SKI: variants seen among roughly 807,000 people sequenced by gnomAD.
SKI encodes ski oncogene.
A neutral mutation model predicts 59.3 loss-of-function variants in SKI; 23 were observed. That is an observed-to-expected ratio of 0.39 (90% CI 0.28 to 0.55). SKI has a LOEUF of 0.55. Among genes scored for constraint, SKI ranks in the 20% least tolerant of loss-of-function variants. The pLI, the probability that SKI is intolerant of heterozygous loss-of-function variation, is 0.67. For missense variants in SKI, 1,017 were observed against 1,038.9 expected (o/e 0.98, Z 0.29); for synonymous variants, 673 against 488.6 (o/e 1.38, Z -4.98).
chr1:2,275,090 T>C (rs998549068), intron 1 of SKI, among the ~76,000 whole-genome samples: 2 of 152,140 alleles, frequency 1.3e-5, no homozygotes, highest in Non-Finnish European at 2.9e-5. Flanking sequence ...CTGAACAAGC[T>C]CGCCCTGGAA....
rs397514590 is a variant in SKI, at chr1:2,228,869, C to T, written c.103C>T (p.Pro35Ser). 1 of 1,431,216 alleles carries T rather than the reference C, an allele frequency of 7.0e-7. No homozygotes were observed. The highest frequency in any genetic ancestry group is 9.2e-7 in the Non-Finnish European group (1 of 1,088,928). 88.7% of individuals were successfully genotyped at this position (1,431,216 alleles called of 1,614,324 possible). A position where few individuals can be genotyped will look rare whatever the true frequency, so the allele number is the denominator to read the frequency against. The change falls in exon 1 of 7, where the codon CCG becomes TCG. Residue 35 changes from proline (P) to serine (S), a missense_variant. Pro to Ser is a moderately conservative substitution (Grantham distance 74). Transcript: ENST00000378536. Reference protein sequence around the residue: ...HLSSMSSLGGPAAFSARWAQE... With the variant: ...HLSSMSSLGGSAAFSARWAQE... ...GAGCTCCATGAGCTCGCTGGGCGGC[C>T]CGGCCGCTTTCTCGGCGCGCTGGGC...
In SKI at chr1:2,303,551, A is replaced by G. The variant is rs2100917609; in HGVS notation, c.1211+151A>G. The G allele has an allele frequency of 1.3e-6, 1 of 744,380 alleles. No homozygotes were observed. Among genetic ancestry groups the G allele is most frequent in the African/African-American group, 1.8e-5 (1 of 56,688 alleles). 46.1% of individuals were successfully genotyped at this position (744,380 alleles called of 1,614,324 possible). ...CTCGGTGTTGGTTCCTTTGGCTGGCATCAGGGAGAGCACACCTAGAGCGTT... is the reference window on the plus strand; with the variant it reads ...CTCGGTGTTGGTTCCTTTGGCTGGCGTCAGGGAGAGCACACCTAGAGCGTT... On this transcript the variant is annotated intron_variant, in intron 3 of 6. Transcript: ENST00000378536. This position sits in a 1 kb window ranked among gnomAD's most constrained non-coding sequence, Gnocchi z 5.6.
chr1:2,278,997 CAGTA>C (rs1257078996), intron 1 of SKI, among the ~76,000 whole-genome samples: 3 of 152,196 alleles, frequency 2.0e-5, no homozygotes, highest in Non-Finnish European at 4.4e-5. Context: ...CCTCCCCAGA[CAGTA>C]AGCTCCAGAC....
intron 1 of SKI, among the ~76,000 whole-genome samples, chr1:2,236,034 A>T (rs905312574): frequency 6.6e-6 from 1 of 152,134 alleles, no homozygotes; most frequent in African/African-American, 2.4e-5. Flanking sequence ...GTCTTCTCTG[A>T]TTTTACCTTT....
intron 1 of SKI, among the ~76,000 whole-genome samples, chr1:2,235,947 G>GAT (rs1157679505): frequency 6.6e-6 from 1 of 152,208 alleles, no homozygotes; most frequent in Admixed American, 6.5e-5. Flanking sequence ...GGGGGAAACA[G>GAT]ATAAAGGGGG....
chr1:2,229,647 A>G lies in SKI; in HGVS notation c.881A>G (p.Lys294Arg). The change falls in exon 1 of 7, where the codon AAG becomes AGG. Residue 294 changes from lysine to arginine, a missense_variant. Coordinates refer to ENST00000378536, the MANE Select transcript of SKI (RefSeq NM_003036.4). The surrounding 1 kb of genome is among the most constrained non-coding windows in gnomAD (Gnocchi z 6.3). ...YILLSQDYTG[K>R]EEQARLGRCL... is the part of the protein sequence containing the mutation. The stretch of plus-strand genomic sequence containing the variant: ...CTGCTGAGCCAGGATTACACGGGCA[A>G]GGAGGAGCAGGCGCGCCTCGGCCGC... 2 of 1,612,118 alleles carry G rather than the reference A, an allele frequency of 1.2e-6. No homozygotes were observed. The highest frequency in any genetic ancestry group is 1.7e-6 in the Non-Finnish European group (2 of 1,179,686).
chr1:2,290,876 G>A (rs1031121487), intron 1 of SKI, among the ~76,000 whole-genome samples: 1 of 152,196 alleles, frequency 6.6e-6, no homozygotes, highest in African/African-American at 2.4e-5. Context: ...CAAGAACCGC[G>A]ACCGCAGCAT....
At chr1:2,299,261 G>C (rs904465339) in intron 1 of SKI, among the ~76,000 whole-genome samples, 1 of 152,200 alleles carries the variant, frequency 6.6e-6, no homozygotes, top group African/African-American at 2.4e-5. Context: ...GGAGGGGGGG[G>C]GCCACACGGG....
At chr1:2,276,519 T>C (rs936837612) in intron 1 of SKI, among the ~76,000 whole-genome samples, 1 of 152,230 alleles carries the variant, frequency 6.6e-6, no homozygotes, top group African/African-American at 2.4e-5. Context: ...TCTGTGCCTC[T>C]AGAGGCCCTG....
intron 4 of SKI, 53 bp downstream of exon 4, chr1:2,304,155 C>G: frequency 6.2e-7 from 1 of 1,605,346 alleles, no homozygotes; most frequent in East Asian, 2.2e-5. Context: ...GGGGGTGGCA[C>G]TGGCTGAGGG....
chr1:2,240,564 C>T (rs1198942306), intron 1 of SKI: 10 of 985,230 alleles, frequency 1.0e-5, no homozygotes, highest in South Asian at 4.7e-5. Flanking sequence ...CTGGGGCCAT[C>T]GAGGCTCCCA....
intron 1 of SKI, among the ~76,000 whole-genome samples, chr1:2,242,837 C>T (rs550799631): frequency 2.0e-5 from 3 of 152,292 alleles, no homozygotes; most frequent in African/African-American, 7.2e-5. Context: ...TGGATTTTTC[C>T]ATATGTGCAC....
chr1:2,288,828 G>T (rs757279092), intron 1 of SKI, among the ~76,000 whole-genome samples: 1 of 152,110 alleles, frequency 6.6e-6, no homozygotes, highest in African/African-American at 2.4e-5. Context: ...TACCAAGTTC[G>T]TCTTCATCCT....
chr1:2,300,357 C>T (rs779707160), intron 1 of SKI, among the ~76,000 whole-genome samples: 7 of 151,720 alleles, frequency 4.6e-5, no homozygotes, highest in Admixed American at 2.6e-4. Context: ...GCTCCTGCCT[C>T]GTGGCCTGTG....
At chr1:2,236,427 G>C (rs561769453) in intron 1 of SKI, among the ~76,000 whole-genome samples, 1 of 151,404 alleles carries the variant, frequency 6.6e-6, no homozygotes, top group South Asian at 2.1e-4. Flanking sequence ...TTTTTTTTGA[G>C]ATGGAGTCTT....
chr1:2,306,838 C>A lies in SKI; in HGVS notation c.*73C>A. On this transcript the variant is annotated 3_prime_UTR_variant, in exon 7 of 7. Transcript: ENST00000378536. ...GGCGCGGCTGGGCGGTGCAGCTCCGCCCGGCTCCGCCCCTGCAGCCCACAC... is the reference window on the plus strand; with the variant it reads ...GGCGCGGCTGGGCGGTGCAGCTCCGACCGGCTCCGCCCCTGCAGCCCACAC... 9.6e-7 allele frequency: 1 copy of A among 1,043,546 alleles called. No homozygotes were observed. The highest frequency in any genetic ancestry group is 1.2e-6 in the Non-Finnish European group (1 of 800,520). 64.6% of individuals were successfully genotyped at this position (1,043,546 alleles called of 1,614,324 possible).
chr1:2,234,855 C>T (rs1387153239), intron 1 of SKI, among the ~76,000 whole-genome samples: 1 of 152,158 alleles, frequency 6.6e-6, no homozygotes, highest in Non-Finnish European at 1.5e-5. Context: ...GAAAAGAAGG[C>T]CCCTGTCCTT....
intron 1 of SKI, among the ~76,000 whole-genome samples, chr1:2,282,782 G>C (rs963152442): frequency 6.6e-6 from 1 of 152,156 alleles, no homozygotes; most frequent in African/African-American, 2.4e-5. Flanking sequence ...GCTCTCGGGG[G>C]CGCCAGTCCT....
chr1:2,276,164 C>T (rs891881866), intron 1 of SKI, among the ~76,000 whole-genome samples: 8 of 152,170 alleles, frequency 5.3e-5, no homozygotes, highest in South Asian at 2.1e-4. Flanking sequence ...CTCCCATTCA[C>T]GCAGCCACAT....
Sources: gnomAD v4.1 joint callset for allele counts (sites outside exome capture counted in the v4.1 genomes callset) on GRCh38, gnomAD v4.1.1 for gene constraint, Gnocchi (gnomAD v3.1) non-coding constraint, MANE v1.5 for transcripts, NCBI Gene and HGNC (gene_info 2026-07-23, HGNC 2026-07-21) for gene names.